The following GIMAP8 variants were observed in gnomAD, a reference collection of about 807,000 sequenced individuals.
The protein encoded by GIMAP8 is GTPase, IMAP family member 8.
GIMAP8 carries 29 observed loss-of-function variants against 35.6 expected under a neutral mutation model. That is an observed-to-expected ratio of 0.81 (90% CI 0.61 to 1.11). The LOEUF (loss-of-function observed/expected upper bound fraction) is 1.11, where lower values mean the gene tolerates loss of function less well. GIMAP8 is among the 50% of genes most tolerant of loss of function. The probability of loss-of-function intolerance (pLI) is 0.00; values close to 1 mark genes in which losing one functional copy is unlikely to be tolerated. For synonymous variants in GIMAP8, 335 were observed against 308.7 expected, an observed-to-expected ratio of 1.09 and a Z score of -0.89; for missense variants, 811 against 805.0, an observed-to-expected ratio of 1.01 and a Z score of -0.09.
intron 1 of GIMAP8, among the ~76,000 whole-genome samples, chr7:150,454,245 T>C (rs1801679941): frequency 7.0e-6 from 1 of 142,952 alleles, no homozygotes. Context: ...TTACTTTGAA[T>C]GGGTGGAGAG....
intron 3 of GIMAP8, 60 bp downstream of exon 3, chr7:150,470,934 AGCC>A: frequency 8.2e-7 from 1 of 1,220,196 alleles, no homozygotes; most frequent in Non-Finnish European, 1.2e-6. Context: ...TGCATTCTGC[AGCC>A]AAAGTGAAGC....
chr7:150,460,596 C>T (rs182250361), intron 1 of GIMAP8, among the ~76,000 whole-genome samples: 2 of 152,352 alleles, frequency 1.3e-5, no homozygotes, highest in East Asian at 3.9e-4. Flanking sequence ...AGTGATGAAG[C>T]TGTCCACTTT....
At chr7:150,459,091 T>C (rs1563280994) in intron 1 of GIMAP8, among the ~76,000 whole-genome samples, 1 of 152,186 alleles carries the variant, frequency 6.6e-6, no homozygotes, top group African/African-American at 2.4e-5. Context: ...TCCTTAAAAA[T>C]CTGAGTTATT....
intron 1 of GIMAP8, among the ~76,000 whole-genome samples, chr7:150,460,870 T>C (rs76711994): frequency 0.021 from 3,241 of 152,328 alleles, 102 homozygotes; most frequent in African/African-American, 0.07. Context: ...GACTTTACTG[T>C]ATACTCAGGT....
In GIMAP8 at chr7:150,474,655, G is replaced by C; in HGVS notation, c.1309+17G>C. ...GAGAAAAAGGTAAAACTGTGAATAG[G>C]ATATATATTTTTACATATATCATTT... On this transcript the variant is annotated intron_variant, in intron 4 of 4. Transcript: ENST00000307271. 1.4e-6 allele frequency: 2 copies of C among 1,469,134 alleles called. No homozygotes were observed. Among genetic ancestry groups the C allele is most frequent in the Admixed American group, 4.8e-5 (2 of 41,934 alleles). 91.0% of individuals were successfully genotyped at this position (1,469,134 alleles called of 1,614,324 possible). A position where few individuals can be genotyped will look rare whatever the true frequency, so the allele number is the denominator to read the frequency against.
chr7:150,461,793 T>G (rs1378109477), intron 1 of GIMAP8, among the ~76,000 whole-genome samples: 1 of 152,248 alleles, frequency 6.6e-6, no homozygotes, highest in East Asian at 1.9e-4. Flanking sequence ...CATTTAAGGT[T>G]GTTACTGATA....
At chr7:150,476,391 T>C (rs1250599713) in intron 4 of GIMAP8, among the ~76,000 whole-genome samples, 1 of 152,248 alleles carries the variant, frequency 6.6e-6, no homozygotes, top group Non-Finnish European at 1.5e-5. Context: ...ATTCCATTTA[T>C]AGGGAAATTC....
At chr7:150,454,893 A>AG (rs111640275) in intron 1 of GIMAP8, among the ~76,000 whole-genome samples, 1 of 151,980 alleles carries the variant, frequency 6.6e-6, no homozygotes, top group Non-Finnish European at 1.5e-5. Flanking sequence ...TAATCCCAGC[A>AG]TTTTGGAGGC....
intron 4 of GIMAP8, among the ~76,000 whole-genome samples, chr7:150,476,297 G>A (rs748390310): frequency 6.6e-6 from 1 of 152,238 alleles, no homozygotes; most frequent in Non-Finnish European, 1.5e-5. Flanking sequence ...ACTTGAATGA[G>A]CACTGGACTG....
chr7:150,464,021 A>G (rs1801899368), intron 1 of GIMAP8, among the ~76,000 whole-genome samples: 1 of 152,194 alleles, frequency 6.6e-6, no homozygotes, highest in African/African-American at 2.4e-5. Context: ...GCTGGAACCT[A>G]GGCCCCTGGG....
At chr7:150,471,708 G>A (rs938423629) in intron 3 of GIMAP8, among the ~76,000 whole-genome samples, 2 of 151,960 alleles carry the variant, frequency 1.3e-5, no homozygotes, top group African/African-American at 4.8e-5. Context: ...ATGGTAGTGC[G>A]TGCCTGTCGT....
At position 150,467,190 on chromosome 7, in the gene GIMAP8, A is replaced by T; in HGVS notation, c.492A>T (p.Arg164=). The part of the protein sequence containing the change: ...LKQLVQDYEG[R]YCIFNNKTNS... ...AGTTGGTTCAAGACTATGAGGGCCGATACTGCATTTTCAACAACAAGACCA... is the reference window on the plus strand; with the variant it reads ...AGTTGGTTCAAGACTATGAGGGCCGTTACTGCATTTTCAACAACAAGACCA... Residue 164 remains arginine, a synonymous_variant, in exon 2 of 5, where the codon CGA becomes CGT. Coordinates refer to ENST00000307271, the MANE Select transcript of GIMAP8 (RefSeq NM_175571.4). The T allele has an allele frequency of 3.1e-6, 5 of 1,614,234 alleles. No homozygotes were observed. Among genetic ancestry groups the T allele is most frequent in the Non-Finnish European group, 4.2e-6 (5 of 1,180,046 alleles).
At chr7:150,452,647 GTGTATA>G (rs1801635632) in intron 1 of GIMAP8, among the ~76,000 whole-genome samples, 1 of 135,870 alleles carries the variant, frequency 7.4e-6, no homozygotes, top group African/African-American at 2.8e-5. Flanking sequence ...ATATATATGT[GTGTATA>G]TGTGTGTGTG....
chr7:150,455,428 G>C (rs935841180), intron 1 of GIMAP8, among the ~76,000 whole-genome samples: 1 of 152,238 alleles, frequency 6.6e-6, no homozygotes, highest in East Asian at 1.9e-4. Flanking sequence ...CAGGAGTTAA[G>C]TAATATTGGC....
chr7:150,455,204 C>CA (rs1254248889), intron 1 of GIMAP8, among the ~76,000 whole-genome samples: 1 of 140,368 alleles, frequency 7.1e-6, no homozygotes, highest in Admixed American at 7.0e-5. Flanking sequence ...GAAAAAACAA[C>CA]AAAAAATGGA....
chr7:150,466,685 T>G lies in GIMAP8; in HGVS notation c.-14T>G, dbSNP rs753973467. 4 of 1,612,014 alleles carry G rather than the reference T, an allele frequency of 2.5e-6. No homozygotes were observed. The highest frequency in any genetic ancestry group is 3.4e-6 in the Non-Finnish European group (4 of 1,178,896). ...TGTCCCAACAGAACAAGCGGGAGCC[T>G]GTGTCAGGAAAGCATGTCAGAGCAG... On this transcript the variant is annotated 5_prime_UTR_variant, in exon 2 of 5. Coordinates refer to ENST00000307271, the MANE Select transcript of GIMAP8 (RefSeq NM_175571.4).
rs1039990857 is a variant in GIMAP8 at position 150,451,613 on chromosome 7, C to G, written c.-29+438C>G. On this transcript the variant is annotated intron_variant, in intron 1 of 4. Transcript: ENST00000307271. The surrounding 1 kb of genome is among the most constrained non-coding windows in gnomAD (Gnocchi z 4.1). ...CTGGCAGAAGGGAGGAAGAAGCAGGCGGAAGCAGCCGGTCAGATGCCCCAT... is the reference window on the plus strand; with the variant it reads ...CTGGCAGAAGGGAGGAAGAAGCAGGGGGAAGCAGCCGGTCAGATGCCCCAT... Among the ~76,000 whole-genome samples, 2 of 152,110 alleles carry G rather than the reference C, an allele frequency of 1.3e-5. No individual in the cohort carries two copies. Among genetic ancestry groups the G allele is most frequent in the Admixed American group, 6.5e-5 (1 of 15,282 alleles).
rs946686672 is a variant in GIMAP8, at chr7:150,479,060, A to G, written c.*1280A>G. On this transcript the variant is annotated 3_prime_UTR_variant, in exon 5 of 5. Transcript: ENST00000307271. ...ATTTAAAAGGACATGGACTGTTGCC[A>G]TTAATACTTTTGGATTCCATATAAC... The G allele has an allele frequency of 1.3e-5, 2 of 152,210 alleles. No individual in the cohort carries two copies. The highest frequency in any genetic ancestry group is 2.4e-5 in the African/African-American group (1 of 41,434). 9.4% of individuals were successfully genotyped at this position (152,210 alleles called of 1,614,324 possible).
At chr7:150,459,963 A>G (rs926469890) in intron 1 of GIMAP8, among the ~76,000 whole-genome samples, 1 of 152,256 alleles carries the variant, frequency 6.6e-6, no homozygotes, top group Non-Finnish European at 1.5e-5. Context: ...AAGTGGTCCA[A>G]TGAAATCAAT....
Sources: allele counts gnomAD v4.1 joint callset (sites outside exome capture counted in the v4.1 genomes callset), GRCh38; gene constraint gnomAD v4.1.1; non-coding constraint Gnocchi (gnomAD v3.1); transcripts MANE v1.5; gene names NCBI Gene and HGNC (gene_info 2026-07-23, HGNC 2026-07-21).